BAZ2B: variants seen among roughly 807,000 people sequenced by gnomAD.
The protein encoded by BAZ2B is bromodomain adjacent to zinc finger domain 2B.
BAZ2B carries 91 observed loss-of-function variants against 246.0 expected under a neutral mutation model. That is an observed-to-expected ratio of 0.37 (90% CI 0.31 to 0.44). The LOEUF (loss-of-function observed/expected upper bound fraction) is 0.44, where lower values mean the gene tolerates loss of function less well. Ranked by LOEUF, BAZ2B falls within the 20% of genes least tolerant of loss-of-function variation. The pLI is 1.00. For missense variants in BAZ2B, 2,332 were observed against 2,533.7 expected (o/e 0.92, Z 1.71); for synonymous variants, 855 against 860.0 (o/e 0.99, Z 0.10).
At chr2:159,540,488 A>C (rs1181721505) in intron 2 of BAZ2B, among the ~76,000 whole-genome samples, 1 of 152,234 alleles carries the variant, frequency 6.6e-6, no homozygotes, top group Non-Finnish European at 1.5e-5. Flanking sequence ...TGATTCTAGA[A>C]TTCTTTTCTT....
In BAZ2B at chr2:159,519,210, C is replaced by CTTTTT. The variant is rs564614568; in HGVS notation, c.-3+36608_-3+36612dup. Reference sequence around the variant, plus strand: ...AAATTCCAACTTCATATTCTATTTTCTTTTTTTTTTTTTTTTTTTTTTTTT... The same window carrying CTTTTT: ...AAATTCCAACTTCATATTCTATTTTCTTTTTTTTTTTTTTTTTTTTTTTTTTTTTT... On this transcript the variant is annotated intron_variant, in intron 2 of 36. Coordinates refer to ENST00000392783, the MANE Select transcript of BAZ2B (RefSeq NM_013450.4). Among the ~76,000 whole-genome samples, 448 of 57,790 alleles carry CTTTTT rather than the reference C, an allele frequency of 7.8e-3. 45 individuals carry two copies. Among genetic ancestry groups the CTTTTT allele is most frequent in the East Asian group, 0.014 (26 of 1,838 alleles). 37.9% of individuals were successfully genotyped at this position (57,790 alleles called of 152,430 possible).
rs1010702905 is a variant in BAZ2B at position 159,330,431 on chromosome 2, C to T, written c.5943+2109G>A. ...AATCAATGTTTCAAAGAGGAGAGAG[C>T]GTTCAGTTCTATCAAATGTAATAGG... On this transcript the variant is annotated intron_variant, in intron 34 of 36. Transcript: ENST00000392783. Among the ~76,000 whole-genome samples, 6 of 152,240 alleles carry T rather than the reference C, an allele frequency of 3.9e-5. No homozygotes were observed. The East Asian group carries it at 7.7e-4, about 20-fold the overall frequency.
intron 3 of BAZ2B, chr2:159,463,114 T>C (rs2076612598): frequency 1.5e-6 from 1 of 675,866 alleles, no homozygotes; most frequent in Admixed American, 2.2e-5. Flanking sequence ...TGCTGCCCTT[T>C]CCCTGAGGAG....
chr2:159,617,297 T>G (rs1449961458), upstream of BAZ2B, among the ~76,000 whole-genome samples: 5 of 152,074 alleles, frequency 3.3e-5, no homozygotes, highest in African/African-American at 1.2e-4. Context: ...CTCTTCCAAC[T>G]TTGTTTTTAC....
chr2:159,327,964 T>C (rs781182705), intron 34 of BAZ2B, among the ~76,000 whole-genome samples: 1 of 148,908 alleles, frequency 6.7e-6, no homozygotes, highest in Non-Finnish European at 1.5e-5. Flanking sequence ...ACTTAGGAGG[T>C]TGAGGCACAA....
chr2:159,660,998 A>C, the BAZ2B span, among the ~76,000 whole-genome samples: 22 of 152,288 alleles, frequency 1.4e-4, no homozygotes, highest in African/African-American at 4.6e-4. Flanking sequence ...TGACTTATGA[A>C]TATACTTGTG....
intron 3 of BAZ2B, among the ~76,000 whole-genome samples, chr2:159,476,680 A>C (rs750057466): frequency 6.6e-6 from 1 of 152,266 alleles, no homozygotes; most frequent in Non-Finnish European, 1.5e-5. Flanking sequence ...ACATTTCTTT[A>C]GGAATACTAT....
At chr2:159,652,250 C>T in the BAZ2B span, among the ~76,000 whole-genome samples, 1 of 150,830 alleles carries the variant, frequency 6.6e-6, no homozygotes, top group Non-Finnish European at 1.5e-5. Context: ...GCTCTTGTTG[C>T]CCAGGCTGGA....
chr2:159,428,320 T>C lies in BAZ2B; in HGVS notation c.2355A>G (p.Glu785=). 6.2e-7 allele frequency: 1 copy of C among 1,612,140 alleles called. No homozygotes were observed. The highest frequency in any genetic ancestry group is 8.5e-7 in the Non-Finnish European group (1 of 1,178,798). ...PCGKKLRQYP[E]VIKYLSRNGI... is the part of the protein sequence containing the mutation. Reference sequence around the variant, plus strand: ...GGTGAAAAGTATGTACCTTTATTACTTCAGGGTACTGCCTAAGTTTCTTTC... The same window carrying C: ...GGTGAAAAGTATGTACCTTTATTACCTCAGGGTACTGCCTAAGTTTCTTTC... Residue 785 remains glutamate (E), a synonymous_variant, in exon 12 of 37, where the codon GAA becomes GAG. Transcript: ENST00000392783.
At chr2:159,318,961 T>C (rs896580542), downstream of BAZ2B, 11 of 152,522 alleles carry the variant, frequency 7.2e-5, no homozygotes, top group Admixed American at 6.5e-4. Context: ...TTCAGGTACA[T>C]TAAGAAAAAC....
At chr2:159,605,453 ATTAAT>A (rs1482307377) in intron 1 of BAZ2B, among the ~76,000 whole-genome samples, 1 of 152,256 alleles carries the variant, frequency 6.6e-6, no homozygotes, top group Non-Finnish European at 1.5e-5. Context: ...TGTACATGTA[ATTAAT>A]TTAGTTGGTA....
intron 31 of BAZ2B, 110 bp downstream of exon 31, chr2:159,347,376 G>T: frequency 8.0e-7 from 1 of 1,254,228 alleles, no homozygotes; most frequent in Non-Finnish European, 1.1e-6. Flanking sequence ...AGAATTAAAT[G>T]AGACAAAATA....
chr2:159,350,581 AT>A (rs1475303438), intron 27 of BAZ2B, among the ~76,000 whole-genome samples: 1 of 151,756 alleles, frequency 6.6e-6, no homozygotes, highest in Admixed American at 6.6e-5. Context: ...TTTACATTTT[AT>A]TTTGAGATGG....
Position 159,383,032 on chromosome 2 carries a change from C to T in BAZ2B, c.3762-230G>A, listed in dbSNP as rs116135449. Among the ~76,000 whole-genome samples, 2,985 of 151,992 alleles carry T rather than the reference C, an allele frequency of 0.02. 82 individuals are homozygous for T. The highest frequency in any genetic ancestry group is 0.069 in the African/African-American group (2,839 of 41,440). On this transcript the variant is annotated intron_variant, in intron 24 of 36. Coordinates refer to ENST00000392783, the MANE Select transcript of BAZ2B (RefSeq NM_013450.4). ...CTAGATATCTCTTTGGAATTAGACT[C>T]ATTAAAAAAAATGATGAAAGTTGAA...
intron 27 of BAZ2B, among the ~76,000 whole-genome samples, chr2:159,354,885 C>T (rs760360898): frequency 6.6e-5 from 10 of 152,154 alleles, no homozygotes; most frequent in Non-Finnish European, 1.2e-4. Flanking sequence ...ACTACCCTGG[C>T]AGCAACTGCA....
At chr2:159,444,027 T>A (rs1204845491) in intron 6 of BAZ2B, 1 of 151,564 alleles carries the variant, frequency 6.6e-6, no homozygotes, top group African/African-American at 2.4e-5. Flanking sequence ...TGGAAGCACA[T>A]ATAAAAATGC....
chr2:159,329,205 AAAT>A (rs2064272546), intron 34 of BAZ2B, among the ~76,000 whole-genome samples: 1 of 152,090 alleles, frequency 6.6e-6, no homozygotes, highest in South Asian at 2.1e-4. Flanking sequence ...AACAATTAAA[AAAT>A]AATAAATAAA....
At chr2:159,502,467 GA>G (rs34450681) in intron 2 of BAZ2B, among the ~76,000 whole-genome samples, 72,579 of 137,604 alleles carry the variant, frequency 0.53, 18,601 homozygotes, top group Non-Finnish European at 0.58. Flanking sequence ...TCTCAAAAAG[GA>G]AAAAAAAAAA....
chr2:159,491,720 CAAAAA>C lies in BAZ2B; in HGVS notation c.-2-13004_-2-13000del, dbSNP rs773067675. On this transcript the variant is annotated intron_variant, in intron 2 of 36. Transcript: ENST00000392783. ...CGGGCGACAGAGCGAGACTCCGTCTCAAAAAAAAAAAAAAAAAAAAAAAAAAGTCT... is the reference window on the plus strand; with the variant it reads ...CGGGCGACAGAGCGAGACTCCGTCTCAAAAAAAAAAAAAAAAAAAAAGTCT... 1.7e-3 allele frequency among the ~76,000 whole-genome samples: 49 copies of C among 29,550 alleles called. 1 individual carries two copies. The highest frequency in any genetic ancestry group is 0.011 in the East Asian group (10 of 926). 19.4% of individuals were successfully genotyped at this position (29,550 alleles called of 152,430 possible). A position where few individuals can be genotyped will look rare whatever the true frequency, so the allele number is the denominator to read the frequency against.
Sources: allele counts gnomAD v4.1 joint callset (sites outside exome capture counted in the v4.1 genomes callset), GRCh38; gene constraint gnomAD v4.1.1; transcripts MANE v1.5; gene names NCBI Gene and HGNC (gene_info 2026-07-23, HGNC 2026-07-21).